ZCCHC14: variants seen among roughly 807,000 people sequenced by gnomAD.
ZCCHC14 encodes the protein zinc finger CCHC-type containing 14.
Under a neutral mutation model 85.0 loss-of-function variants are expected in ZCCHC14, and 16 were observed. The observed-to-expected ratio is 0.19, with a 90% CI of 0.13 to 0.29. The LOEUF is 0.29. Ranked by LOEUF, ZCCHC14 falls within the 10% of genes least tolerant of loss-of-function variation. ZCCHC14 has a pLI of 1.00. For missense variants in ZCCHC14, 1,303 were observed against 1,443.5 expected (o/e 0.90, Z 1.58); for synonymous variants, 775 against 630.7 (o/e 1.23, Z -3.43).
Position 87,413,050 on chromosome 16 carries a change from C to G in ZCCHC14, c.1744+5G>C. 6.2e-7 allele frequency: 1 copy of G among 1,614,172 alleles called. No homozygotes were observed. Among genetic ancestry groups the G allele is most frequent in the Admixed American group, 1.7e-5 (1 of 60,024 alleles). On this transcript the variant is annotated splice_donor_5th_base_variant and intron_variant, in intron 11 of 12. Transcript: ENST00000671377. ...GTCGAGCCAGCGCCGCGCACGTGCC[C>G]TTACGTCTGTCATTCTCCTCAGCGC... is the stretch of plus-strand genomic sequence containing the variant.
chr16:87,483,509 AAAAAG>A (rs1239695142), intron 1 of ZCCHC14, among the ~76,000 whole-genome samples: 2 of 152,014 alleles, frequency 1.3e-5, no homozygotes, highest in Non-Finnish European at 2.9e-5. Flanking sequence ...TAAAAATTAA[AAAAAG>A]AAAAGACCAA....
intron 2 of ZCCHC14, among the ~76,000 whole-genome samples, chr16:87,456,387 G>A (rs8052135): frequency 0.085 from 12,970 of 151,756 alleles, 1,817 homozygotes; most frequent in African/African-American, 0.3. Context: ...AAAAATAGCC[G>A]GGCGTGGTGG....
intron 1 of ZCCHC14, among the ~76,000 whole-genome samples, chr16:87,464,909 G>A (rs1052224058): frequency 6.6e-6 from 1 of 152,238 alleles, no homozygotes; most frequent in African/African-American, 2.4e-5. Flanking sequence ...GTGCACGAGA[G>A]GGAAGACTGA....
intron 2 of ZCCHC14, among the ~76,000 whole-genome samples, chr16:87,453,082 G>C (rs1415214577): frequency 1.3e-5 from 2 of 152,222 alleles, no homozygotes; most frequent in Non-Finnish European, 2.9e-5. Context: ...ATTGGCTTCT[G>C]AACAAGCTGG....
chr16:87,449,040 G>C (rs1252312557), intron 2 of ZCCHC14, among the ~76,000 whole-genome samples: 1 of 152,206 alleles, frequency 6.6e-6, no homozygotes, highest in Non-Finnish European at 1.5e-5. Flanking sequence ...CCCAGTTCAA[G>C]GAGGATGAGG....
intron 3 of ZCCHC14, among the ~76,000 whole-genome samples, chr16:87,424,277 C>A (rs549101184): frequency 2.6e-5 from 4 of 152,184 alleles, no homozygotes; most frequent in Admixed American, 2.0e-4. Flanking sequence ...AGCAGCCCTT[C>A]GACCACCGGT....
At chr16:87,423,954 C>T (rs72806253) in intron 3 of ZCCHC14, 73 bp from the exon 4 acceptor site, 54,057 of 1,514,576 alleles carry the variant, frequency 0.036, 1,154 homozygotes, top group Non-Finnish European at 0.044. Flanking sequence ...TGTCCTGGTA[C>T]GACTGGGGCA....
intron 1 of ZCCHC14, among the ~76,000 whole-genome samples, chr16:87,462,422 G>T (rs922116190): frequency 6.6e-5 from 10 of 152,202 alleles, no homozygotes; most frequent in Non-Finnish European, 1.3e-4. Context: ...GACAACTCAG[G>T]AGGTTAACAC....
intron 1 of ZCCHC14, among the ~76,000 whole-genome samples, chr16:87,483,401 G>A (rs10220995): frequency 1.4e-5 from 2 of 144,328 alleles, no homozygotes; most frequent in African/African-American, 2.6e-5. Flanking sequence ...TGAGGCAGAA[G>A]AATTGCTTGA....
At chr16:87,461,492 A>T (rs1322605244) in intron 1 of ZCCHC14, among the ~76,000 whole-genome samples, 1 of 152,240 alleles carries the variant, frequency 6.6e-6, no homozygotes, top group Non-Finnish European at 1.5e-5. Context: ...CATTCACAGT[A>T]TGGGAAAGTA....
chr16:87,445,750 G>A (rs1910406316), intron 2 of ZCCHC14, among the ~76,000 whole-genome samples: 2 of 152,126 alleles, frequency 1.3e-5, no homozygotes, highest in South Asian at 2.1e-4. Flanking sequence ...GAAGACCAGG[G>A]CAAAACCACA....
At position 87,412,147 on chromosome 16, in the gene ZCCHC14, G is replaced by T; in HGVS notation, c.2574C>A (p.Ala858=). Residue 858 remains alanine, a synonymous_variant, in exon 12 of 13, where the codon GCC becomes GCA. Coordinates refer to ENST00000671377, the MANE Select transcript of ZCCHC14 (RefSeq NM_015144.3). ...SHPSTSFANM[A]TLPSCPAPSS... ...TGGGGGCTGGGCAGCTGGGCAACGT[G>T]GCCATGTTGGCAAAGGACGTGGAGG... The T allele has an allele frequency of 6.2e-7, 1 of 1,614,006 alleles. No individual in the cohort carries two copies.
chr16:87,428,544 A>T, intron 3 of ZCCHC14, among the ~76,000 whole-genome samples: 1 of 151,658 alleles, frequency 6.6e-6, no homozygotes, highest in Admixed American at 6.6e-5. Flanking sequence ...ATCTTCAAGT[A>T]TTTTTTTTTA....
At chr16:87,476,422 T>C (rs563875910) in intron 1 of ZCCHC14, among the ~76,000 whole-genome samples, 1 of 152,260 alleles carries the variant, frequency 6.6e-6, no homozygotes, top group African/African-American at 2.4e-5. Context: ...ACTATATATG[T>C]TGTGATGTCT....
chr16:87,427,141 G>C (rs1909413202), intron 3 of ZCCHC14, among the ~76,000 whole-genome samples: 1 of 152,242 alleles, frequency 6.6e-6, no homozygotes, highest in Non-Finnish European at 1.5e-5. Flanking sequence ...TACTGGGTGA[G>C]ACATGAAGAC....
At chr16:87,467,501 G>A (rs1280265043) in intron 1 of ZCCHC14, 5 of 1,606,266 alleles carry the variant, frequency 3.1e-6, no homozygotes, top group Non-Finnish European at 4.3e-6. Flanking sequence ...ACTATGACAT[G>A]AATACAGCAT....
chr16:87,411,262 G>C, intron 12 of ZCCHC14: 1 of 1,037,058 alleles, frequency 9.6e-7, no homozygotes, highest in African/African-American at 1.6e-5. Flanking sequence ...CGGCAGTCCA[G>C]GGAGGCCCTG....
rs372933282 is a variant in ZCCHC14, at chr16:87,447,392, T to C, written c.694+12616A>G. ...TTCAATGAGTTTGGGTACATTTATATGCCCATGTGATCACTAATCCTTGAA... is the reference window on the plus strand; with the variant it reads ...TTCAATGAGTTTGGGTACATTTATACGCCCATGTGATCACTAATCCTTGAA... On this transcript the variant is annotated intron_variant, in intron 2 of 12. Transcript: ENST00000671377. 3.9e-5 allele frequency among the ~76,000 whole-genome samples: 6 copies of C among 152,326 alleles called. No individual in the cohort carries two copies. The East Asian group carries it at 1.2e-3, about 29-fold the overall frequency.
At chr16:87,436,951 T>C (rs1395363854) in intron 2 of ZCCHC14, among the ~76,000 whole-genome samples, 2 of 152,146 alleles carry the variant, frequency 1.3e-5, no homozygotes, top group African/African-American at 4.8e-5. Flanking sequence ...CAGACACTCA[T>C]TACAACCCAC....
Sources: gnomAD v4.1 joint callset for allele counts (sites outside exome capture counted in the v4.1 genomes callset) on GRCh38, gnomAD v4.1.1 for gene constraint, MANE v1.5 for transcripts, NCBI Gene and HGNC (gene_info 2026-07-23, HGNC 2026-07-21) for gene names.